The following AKT3 variants were observed in gnomAD, a reference collection of about 807,000 sequenced individuals.
AKT3 encodes the protein RAC-gamma serine/threonine-protein kinase.
Under a neutral mutation model 65.3 loss-of-function variants are expected in AKT3, and 15 were observed. That is an observed-to-expected ratio of 0.23 (90% CI 0.15 to 0.35). The LOEUF (loss-of-function observed/expected upper bound fraction) is 0.35, where lower values mean the gene tolerates loss of function less well. Among genes scored for constraint, AKT3 ranks in the 10% least tolerant of loss-of-function variants. The probability of loss-of-function intolerance (pLI) is 1.00; values close to 1 mark genes in which losing one functional copy is unlikely to be tolerated. For synonymous variants in AKT3, 206 were observed against 183.8 expected (o/e 1.12, Z -0.98); for missense variants, 243 against 576.5 (o/e 0.42, Z 5.92).
At chr1:243,552,605 T>C in intron 11 of AKT3, 124 bp downstream of exon 11, 1 of 857,338 alleles carries the variant, frequency 1.2e-6, no homozygotes, top group Non-Finnish European at 1.8e-6. Flanking sequence ...AGTCAGGATC[T>C]CAGTGGGAAG....
intron 6 of AKT3, among the ~76,000 whole-genome samples, chr1:243,628,387 C>G (rs1679344746): frequency 6.6e-6 from 1 of 152,044 alleles, no homozygotes; most frequent in African/African-American, 2.4e-5. Flanking sequence ...GCAGCCTTGA[C>G]CTCCCAGGCT....
intron 3 of AKT3, among the ~76,000 whole-genome samples, chr1:243,678,127 A>G (rs1683659478): frequency 6.6e-6 from 1 of 152,068 alleles, no homozygotes; most frequent in South Asian, 2.1e-4. Context: ...ATAGCCTATC[A>G]GTCATTATCA....
At chr1:243,589,306 C>CAA (rs758254217) in intron 8 of AKT3, among the ~76,000 whole-genome samples, 8,215 of 40,254 alleles carry the variant, frequency 0.2, 520 homozygotes, top group South Asian at 0.32. Context: ...AACTCCATCT[C>CAA]AAAAAAAAAA....
chr1:243,715,703 T>C (rs1181223462), intron 2 of AKT3, among the ~76,000 whole-genome samples: 2 of 152,110 alleles, frequency 1.3e-5, no homozygotes, highest in African/African-American at 2.4e-5. Flanking sequence ...AAAAAGTATT[T>C]TTAGAAGAGA....
At chr1:243,783,218 T>C (rs1691024792) in intron 2 of AKT3, among the ~76,000 whole-genome samples, 1 of 152,136 alleles carries the variant, frequency 6.6e-6, no homozygotes, top group South Asian at 2.1e-4. Flanking sequence ...AAATAAAGCA[T>C]GATTAGAGGG....
chr1:243,814,315 C>G (rs977925852), intron 2 of AKT3, among the ~76,000 whole-genome samples: 2 of 151,746 alleles, frequency 1.3e-5, no homozygotes, highest in Admixed American at 1.3e-4. Flanking sequence ...AGTATAGAAC[C>G]CTATTATATC....
intron 8 of AKT3, among the ~76,000 whole-genome samples, chr1:243,605,661 TAAG>T (rs1677349450): frequency 6.6e-6 from 1 of 152,144 alleles, no homozygotes; most frequent in Non-Finnish European, 1.5e-5. Flanking sequence ...AATACGACCG[TAAG>T]AAGTTAGGGC....
intron 2 of AKT3, among the ~76,000 whole-genome samples, chr1:243,706,702 AAAGGAAGAAGAGGTAAGAGC>A (rs796334468): frequency 2.2e-4 from 34 of 152,274 alleles, no homozygotes; most frequent in African/African-American, 7.9e-4. Context: ...TTAAGTGGTG[AAAGGAAGAAGAGGTAAGAGC>A]AAGGAAGAAA....
chr1:243,572,288 T>C (rs937280723), intron 9 of AKT3, among the ~76,000 whole-genome samples: 1 of 152,174 alleles, frequency 6.6e-6, no homozygotes, highest in African/African-American at 2.4e-5. Context: ...CTGAGGCTGC[T>C]TTTACCCTAC....
intron 2 of AKT3, among the ~76,000 whole-genome samples, chr1:243,716,786 G>A (rs1405708642): frequency 6.6e-6 from 1 of 152,188 alleles, no homozygotes; most frequent in Admixed American, 6.5e-5. Flanking sequence ...GCAGGCCTCA[G>A]CCAAATATTT....
chr1:243,637,104 T>C (rs1253706541), intron 6 of AKT3, among the ~76,000 whole-genome samples: 1 of 152,118 alleles, frequency 6.6e-6, no homozygotes, highest in Non-Finnish European at 1.5e-5. Flanking sequence ...ATGTTATTTA[T>C]TTAAAAAGGT....
chr1:243,544,240 T>TG (rs1157241092), intron 12 of AKT3, among the ~76,000 whole-genome samples: 66 of 66,768 alleles, frequency 9.9e-4, no homozygotes, highest in South Asian at 7.0e-3. Context: ...TCTGAGGTAG[T>TG]GGGGGAAAAA....
At chr1:243,789,756 T>C (rs1232246974) in intron 2 of AKT3, among the ~76,000 whole-genome samples, 2 of 152,152 alleles carry the variant, frequency 1.3e-5, no homozygotes, top group Non-Finnish European at 2.9e-5. Context: ...CCTTAGAAAA[T>C]GTATTTCTTA....
chr1:243,535,547 T>C lies in AKT3; in HGVS notation c.1251+9963A>G, dbSNP rs538999188. On this transcript the variant is annotated intron_variant, in intron 12 of 13. Transcript: ENST00000673466. ...TTCCATCTATATGCTGCAGAATACATTATTTTGTTCTTTTTTATGGCTAGT... is the reference window on the plus strand; with the variant it reads ...TTCCATCTATATGCTGCAGAATACACTATTTTGTTCTTTTTTATGGCTAGT... 9.2e-5 allele frequency among the ~76,000 whole-genome samples: 14 copies of C among 152,314 alleles called. No homozygotes were observed. The South Asian group carries it at 2.7e-3, about 29-fold the overall frequency.
At chr1:243,575,699 A>G (rs1674890543) in intron 8 of AKT3, among the ~76,000 whole-genome samples, 1 of 152,192 alleles carries the variant, frequency 6.6e-6, no homozygotes, top group African/African-American at 2.4e-5. Context: ...GATAAGAAAA[A>G]GCTTTACCTA....
At chr1:243,685,839 T>C (rs1166778307) in intron 3 of AKT3, among the ~76,000 whole-genome samples, 4 of 152,152 alleles carry the variant, frequency 2.6e-5, no homozygotes, top group Admixed American at 6.5e-5. Context: ...GATGCCATGA[T>C]TGTATATTTA....
rs1558817900 is a variant in AKT3, at chr1:243,795,464, T to TTG, written c.46+47660_46+47661insCA. ...TGATCTCCTTGTTTTTTTTTTTTGTTTTTTTTTTTTGGTTTTTTTTTTTTT... is the reference window on the plus strand; with the variant it reads ...TGATCTCCTTGTTTTTTTTTTTTGTTTGTTTTTTTTTTGGTTTTTTTTTTTTT... On this transcript the variant is annotated intron_variant, in intron 2 of 13. Coordinates refer to ENST00000673466, the MANE Select transcript of AKT3 (RefSeq NM_005465.7). 3.0e-3 allele frequency among the ~76,000 whole-genome samples: 289 copies of TTG among 96,674 alleles called. 2 individuals are homozygous for TTG. The highest frequency in any genetic ancestry group is 7.5e-3 in the African/African-American group (218 of 29,140). 63.4% of individuals were successfully genotyped at this position (96,674 alleles called of 152,430 possible).
At chr1:243,712,489 T>C (rs781249869) in intron 2 of AKT3, among the ~76,000 whole-genome samples, 5 of 152,158 alleles carry the variant, frequency 3.3e-5, no homozygotes, top group Non-Finnish European at 7.4e-5. Context: ...AAACCTTAAA[T>C]GTTTTAGGAA....
rs534682278 is a variant in AKT3, at chr1:243,571,843, TAGAC to T, written c.819+1079_819+1082del. On this transcript the variant is annotated intron_variant, in intron 9 of 13. Transcript: ENST00000673466. ...TTAATCTTTAGCCCATTTTGGCACT[TAGAC>T]AGTTGGTCATCTCTGATCTAGATGT... 7.2e-5 allele frequency among the ~76,000 whole-genome samples: 11 copies of T among 152,338 alleles called. No individual in the cohort carries two copies. The South Asian group carries it at 1.4e-3, about 20-fold the overall frequency.
Sources: gnomAD v4.1 joint callset for allele counts (sites outside exome capture counted in the v4.1 genomes callset) on GRCh38, gnomAD v4.1.1 for gene constraint, MANE v1.5 for transcripts, NCBI Gene and HGNC (gene_info 2026-07-23, HGNC 2026-07-21) for gene names.